HMCN1: variants seen among roughly 807,000 people sequenced by gnomAD.
HMCN1 encodes the protein hemicentin-1.
A neutral mutation model predicts 625.9 loss-of-function variants in HMCN1; 321 were observed. The ratio of observed to expected loss-of-function variants is 0.51; its 90% confidence interval spans 0.47 to 0.56. The LOEUF (loss-of-function observed/expected upper bound fraction) is 0.56, where lower values mean the gene tolerates loss of function less well. HMCN1 is among the 20% of genes least tolerant of loss of function. The pLI, the probability that HMCN1 is intolerant of heterozygous loss-of-function variation, is 0.00. For synonymous variants in HMCN1, 2,425 were observed against 2,417.6 expected (o/e 1.00, Z -0.09); for missense variants, 6,588 against 6,887.3 (o/e 0.96, Z 1.54).
intron 93 of HMCN1, 68 bp from the exon 94 acceptor site, chr1:186,151,132 T>A (rs1039224750): frequency 6.6e-7 from 1 of 1,510,774 alleles, no homozygotes; most frequent in African/African-American, 1.4e-5. Context: ...ATACTGGCCC[T>A]CTTTTCTCCC....
chr1:186,177,748 G>A (rs1386286568), intron 103 of HMCN1, among the ~76,000 whole-genome samples: 1 of 151,980 alleles, frequency 6.6e-6, no homozygotes, highest in Non-Finnish European at 1.5e-5. Context: ...TGAAATATTT[G>A]TCAAAAGAGA....
At chr1:186,143,534 C>T (rs954925171) in intron 89 of HMCN1, among the ~76,000 whole-genome samples, 8 of 152,182 alleles carry the variant, frequency 5.3e-5, no homozygotes, top group Non-Finnish European at 1.0e-4. Context: ...TTGGAAACTA[C>T]TAGTCAGCTT....
chr1:185,913,012 G>C (rs1666513906), intron 6 of HMCN1, among the ~76,000 whole-genome samples: 1 of 151,940 alleles, frequency 6.6e-6, no homozygotes, highest in Non-Finnish European at 1.5e-5. Context: ...TTTCATGCCA[G>C]TCAGTTTTTT....
intron 69 of HMCN1, 32 bp from the exon 70 acceptor site, chr1:186,106,852 A>C: frequency 7.2e-7 from 1 of 1,379,488 alleles, no homozygotes; most frequent in Non-Finnish European, 1.0e-6. Flanking sequence ...TAACATGTTA[A>C]CATTATGTAA....
chr1:185,755,489 G>T (rs1655074860), intron 1 of HMCN1, among the ~76,000 whole-genome samples: 1 of 152,204 alleles, frequency 6.6e-6, no homozygotes, highest in South Asian at 2.1e-4. Flanking sequence ...TTCCACCTGA[G>T]AGTGCTGCTA....
intron 10 of HMCN1, 71 bp downstream of exon 10, chr1:185,928,738 C>T: frequency 6.7e-7 from 1 of 1,501,274 alleles, no homozygotes; most frequent in South Asian, 1.1e-5. Flanking sequence ...GTTTGTTAAC[C>T]AGTTTGTGTT....
chr1:185,769,506 GAGAA>G (rs1656087765), intron 1 of HMCN1, among the ~76,000 whole-genome samples: 1 of 152,108 alleles, frequency 6.6e-6, no homozygotes, highest in African/African-American at 2.4e-5. Flanking sequence ...CCTAATTGAT[GAGAA>G]ATATTTTGCC....
intron 1 of HMCN1, among the ~76,000 whole-genome samples, chr1:185,805,021 C>A (rs1659073687): frequency 6.6e-6 from 1 of 152,060 alleles, no homozygotes; most frequent in South Asian, 2.1e-4. Flanking sequence ...GAATTGTACA[C>A]CTGACAGATT....
chr1:186,136,252 CACAG>C (rs1411289165), intron 86 of HMCN1, among the ~76,000 whole-genome samples: 1 of 151,988 alleles, frequency 6.6e-6, no homozygotes, highest in East Asian at 1.9e-4. Flanking sequence ...CCATATAAAA[CACAG>C]ACAAAAATAA....
intron 14 of HMCN1, among the ~76,000 whole-genome samples, chr1:185,967,551 C>G (rs1020710885): frequency 1.3e-5 from 2 of 152,096 alleles, no homozygotes; most frequent in Admixed American, 1.3e-4. Flanking sequence ...CCCTGACCTC[C>G]AGGATCAGGT....
At chr1:185,854,703 A>C (rs1047240471) in intron 2 of HMCN1, among the ~76,000 whole-genome samples, 1 of 152,092 alleles carries the variant, frequency 6.6e-6, no homozygotes, top group Admixed American at 6.6e-5. Context: ...TGCCTTTAAG[A>C]TCTTATTTCA....
At chr1:185,937,064 C>T (rs1030736545) in intron 11 of HMCN1, among the ~76,000 whole-genome samples, 1 of 152,158 alleles carries the variant, frequency 6.6e-6, no homozygotes, top group Non-Finnish European at 1.5e-5. Flanking sequence ...TACTGAGGAA[C>T]AAAACAAGGC....
intron 27 of HMCN1, 34 bp from the exon 28 acceptor site, chr1:186,001,560 T>C: frequency 6.2e-7 from 1 of 1,611,800 alleles, no homozygotes; most frequent in Non-Finnish European, 8.5e-7. Flanking sequence ...TTTATTAGGA[T>C]TGGAAATAAC....
Position 185,933,735 on chromosome 1 carries a change from G to C in HMCN1, c.1739G>C (p.Ser580Thr), listed in dbSNP as rs533744681. ...TLANLSLELKSVKFNDAGEYH... is the reference protein window; with the variant it reads ...TLANLSLELKTVKFNDAGEYH... The stretch of plus-strand genomic sequence containing the variant: ...GCTAATCTGTCATTGGAGCTAAAGA[G>C]TGTGAAATTCAACGATGCTGGAGAG... The change falls in exon 11 of 107, where the codon AGT becomes ACT. Residue 580 changes from serine (S) to threonine (T), a missense_variant. This residue lies in a region of HMCN1 where 4,628 missense variants were observed against 4,853.1 expected (regional missense o/e 0.95). Coordinates refer to ENST00000271588, the MANE Select transcript of HMCN1 (RefSeq NM_031935.3). The C allele has an allele frequency of 5.0e-6, 8 of 1,613,934 alleles. No homozygotes were observed. The Admixed American group carries it at 1.0e-4, about 20-fold the overall frequency.
intron 3 of HMCN1, 39 bp downstream of exon 3, chr1:185,864,667 C>T: frequency 6.3e-7 from 1 of 1,597,764 alleles, no homozygotes; most frequent in Non-Finnish European, 8.6e-7. Flanking sequence ...TGTCTAAATG[C>T]AGTATGTAAG....
chr1:186,144,740 C>G (rs1228203247), intron 91 of HMCN1, 37 bp downstream of exon 91: 2 of 1,605,608 alleles, frequency 1.2e-6, no homozygotes, highest in Non-Finnish European at 1.7e-6. Context: ...ATTATACTTT[C>G]ATAAAGTTTC....
chr1:186,119,622 TG>T, intron 78 of HMCN1, 122 bp from the exon 79 acceptor site: 1 of 1,030,094 alleles, frequency 9.7e-7, no homozygotes, highest in Non-Finnish European at 1.5e-6. Flanking sequence ...ACTTTTCTCT[TG>T]GGCAATCAAA....
chr1:186,006,072 G>T (rs1653613082), intron 29 of HMCN1, among the ~76,000 whole-genome samples: 1 of 150,368 alleles, frequency 6.7e-6, no homozygotes, highest in Admixed American at 6.7e-5. Flanking sequence ...GGAGGCAGAG[G>T]TTGCAGTGAG....
chr1:185,926,186 A>G (rs1438673756), intron 9 of HMCN1, among the ~76,000 whole-genome samples: 2 of 152,232 alleles, frequency 1.3e-5, no homozygotes, highest in Admixed American at 6.5e-5. Flanking sequence ...TTATTGTTTT[A>G]TCAGACTTTT....
Sources: gnomAD v4.1 joint callset for allele counts (sites outside exome capture counted in the v4.1 genomes callset) on GRCh38, gnomAD v4.1.1 for gene constraint, gnomAD v4.1.1 regional missense constraint, MANE v1.5 for transcripts, NCBI Gene and HGNC (gene_info 2026-07-23, HGNC 2026-07-21) for gene names.